ADGRB3: variants seen among roughly 807,000 people sequenced by gnomAD.
ADGRB3 encodes adhesion G protein-coupled receptor B3, also known as brain-specific angiogenesis inhibitor 3.
ADGRB3 carries 37 observed loss-of-function variants against 193.4 expected under a neutral mutation model. That is an observed-to-expected ratio of 0.19 (90% CI 0.15 to 0.25). The LOEUF is 0.25. Among genes scored for constraint, ADGRB3 ranks in the 10% least tolerant of loss-of-function variants. The pLI is 1.00. For missense variants in ADGRB3, 1,637 were observed against 1,852.9 expected (o/e 0.88, Z 2.14); for synonymous variants, 690 against 644.2 (o/e 1.07, Z -1.08).
At chr6:68,910,883 A>G (rs902637347) in intron 3 of ADGRB3, among the ~76,000 whole-genome samples, 46 of 152,260 alleles carry the variant, frequency 3.0e-4, no homozygotes, top group African/African-American at 1.1e-3. Flanking sequence ...TGACTTGGCA[A>G]TGTGGGCTCT....
At chr6:68,795,540 A>C (rs1767191111) in intron 3 of ADGRB3, among the ~76,000 whole-genome samples, 1 of 152,118 alleles carries the variant, frequency 6.6e-6, no homozygotes, top group Admixed American at 6.6e-5. Flanking sequence ...TGCAAATCTT[A>C]AGGTGCTCTT....
intron 17 of ADGRB3, among the ~76,000 whole-genome samples, chr6:69,201,463 C>A (rs1403887524): frequency 6.6e-6 from 1 of 151,144 alleles, no homozygotes; most frequent in African/African-American, 2.4e-5. Flanking sequence ...TTCTTATTTT[C>A]TCTCCCTCCT....
At chr6:68,922,939 A>T (rs1239603328) in intron 3 of ADGRB3, among the ~76,000 whole-genome samples, 1 of 152,182 alleles carries the variant, frequency 6.6e-6, no homozygotes, top group Non-Finnish European at 1.5e-5. Flanking sequence ...TAATTGATTA[A>T]AGGAATTTTT....
intron 3 of ADGRB3, among the ~76,000 whole-genome samples, chr6:68,858,421 G>A (rs546222627): frequency 6.6e-6 from 1 of 150,544 alleles, no homozygotes; most frequent in Admixed American, 6.6e-5. Flanking sequence ...GGAGAATTGT[G>A]TGAACTCAGG....
At chr6:68,794,615 T>C (rs1034458062) in intron 3 of ADGRB3, among the ~76,000 whole-genome samples, 16 of 152,148 alleles carry the variant, frequency 1.1e-4, no homozygotes, top group African/African-American at 3.6e-4. Flanking sequence ...ATTAAGTAAT[T>C]TACCCAAGAT....
At chr6:69,101,625 T>G (rs1197621780) in intron 17 of ADGRB3, among the ~76,000 whole-genome samples, 2 of 151,956 alleles carry the variant, frequency 1.3e-5, no homozygotes, top group African/African-American at 4.8e-5. Flanking sequence ...TAAATTATAT[T>G]TACTTTTTTA....
chr6:69,215,711 G>A (rs1319074842), intron 17 of ADGRB3, among the ~76,000 whole-genome samples: 1 of 151,950 alleles, frequency 6.6e-6, no homozygotes, highest in East Asian at 1.9e-4. Flanking sequence ...ATCATCCAAA[G>A]CCTATTAGTT....
intron 3 of ADGRB3, among the ~76,000 whole-genome samples, chr6:68,688,257 C>T (rs1213543361): frequency 1.3e-5 from 2 of 152,154 alleles, no homozygotes; most frequent in Non-Finnish European, 2.9e-5. Flanking sequence ...GCTTAATTAG[C>T]ATGCAGGTGA....
chr6:68,958,559 C>T (rs564000357), intron 8 of ADGRB3, among the ~76,000 whole-genome samples: 29 of 152,090 alleles, frequency 1.9e-4, no homozygotes, highest in African/African-American at 6.5e-4. Flanking sequence ...GAGATTGCCA[C>T]CTGCTGTTTG....
In ADGRB3 at chr6:69,339,366, C is replaced by A; in HGVS notation, c.3321C>A (p.Pro1107=). The A allele has an allele frequency of 1.2e-6, 2 of 1,613,910 alleles. No homozygotes were observed. Among genetic ancestry groups the A allele is most frequent in the South Asian group, 2.2e-5 (2 of 91,068 alleles). Residue 1107 remains proline, a synonymous_variant, in exon 26 of 32, where the codon CCC becomes CCA. Transcript: ENST00000370598. ...ASLWSSCVVL[P]LLALTWMSAV... The stretch of plus-strand genomic sequence containing the variant: ...TTTGGAGCTCCTGTGTGGTGTTGCC[C>A]CTTCTGGCTTTGACGTGGATGTCTG...
chr6:68,956,018 T>C lies in ADGRB3; in HGVS notation c.1196-6T>C. On this transcript the variant is annotated splice_region_variant and splice_polypyrimidine_tract_variant and intron_variant, in intron 6 of 31. Transcript: ENST00000370598. ...CCTCATGCTGTCTCTTTTTCTGCTTTGGTAGTTGATGGACAGTGGCAAGAG... is the reference window on the plus strand; with the variant it reads ...CCTCATGCTGTCTCTTTTTCTGCTTCGGTAGTTGATGGACAGTGGCAAGAG... The C allele has an allele frequency of 1.2e-6, 2 of 1,611,762 alleles. No individual in the cohort carries two copies. The highest frequency in any genetic ancestry group is 1.7e-6 in the Non-Finnish European group (2 of 1,179,092).
chr6:68,836,709 C>G (rs1768052995), intron 3 of ADGRB3, among the ~76,000 whole-genome samples: 1 of 152,056 alleles, frequency 6.6e-6, no homozygotes, highest in Non-Finnish European at 1.5e-5. Context: ...GAAACGTTGG[C>G]TGGGTGCAGT....
At position 69,049,338 on chromosome 6, in the gene ADGRB3, C is replaced by T. The variant is rs748842409; in HGVS notation, c.2325C>T (p.Pro775=). 5 of 1,603,288 alleles carry T rather than the reference C, an allele frequency of 3.1e-6. No homozygotes were observed. The African/African-American group carries it at 4.0e-5, about 13-fold the overall frequency. Residue 775 remains proline, a synonymous_variant, in exon 15 of 32, where the codon CCC becomes CCT. Transcript: ENST00000370598. The stretch of plus-strand genomic sequence containing the variant: ...ACAAAAACTTAGATCTAATTTTGCC[C>T]ACTTTGAGGTAAGCTACAAAGTAAT... The part of the protein sequence containing the change: ...VLYKNLDLIL[P]TLRNYTVINS...
intron 3 of ADGRB3, among the ~76,000 whole-genome samples, chr6:68,872,358 A>G (rs1765485339): frequency 6.6e-6 from 1 of 152,078 alleles, no homozygotes; most frequent in Admixed American, 6.6e-5. Context: ...TTAAGAAGAA[A>G]AATAGAAAAT....
intron 17 of ADGRB3, among the ~76,000 whole-genome samples, chr6:69,098,178 C>T (rs1772938528): frequency 6.6e-6 from 1 of 152,178 alleles, no homozygotes; most frequent in Non-Finnish European, 1.5e-5. Flanking sequence ...GCCATGCTCT[C>T]TTCCTGCCTT....
intron 17 of ADGRB3, among the ~76,000 whole-genome samples, chr6:69,217,902 A>G (rs555616086): frequency 6.8e-6 from 1 of 147,880 alleles, no homozygotes; most frequent in East Asian, 1.9e-4. Context: ...ACAGGTATTC[A>G]GTTTTAAAAA....
intron 17 of ADGRB3, among the ~76,000 whole-genome samples, chr6:69,142,284 G>T (rs939400283): frequency 6.6e-6 from 1 of 152,102 alleles, no homozygotes; most frequent in African/African-American, 2.4e-5. Context: ...CTTTTTGGAG[G>T]TTAATTTAGA....
intron 17 of ADGRB3, among the ~76,000 whole-genome samples, chr6:69,076,408 T>C (rs918284780): frequency 6.6e-6 from 1 of 152,136 alleles, no homozygotes; most frequent in African/African-American, 2.4e-5. Context: ...TATGGTCATT[T>C]AGCCAATATA....
intron 10 of ADGRB3, among the ~76,000 whole-genome samples, chr6:68,990,523 T>TA (rs1484052214): frequency 1.3e-5 from 2 of 152,130 alleles, no homozygotes; most frequent in African/African-American, 4.8e-5. Flanking sequence ...ATAAGCCTTC[T>TA]AAGCAGCTGT....
Sources: allele counts gnomAD v4.1 joint callset (sites outside exome capture counted in the v4.1 genomes callset), GRCh38; gene constraint gnomAD v4.1.1; transcripts MANE v1.5; gene names NCBI Gene and HGNC (gene_info 2026-07-23, HGNC 2026-07-21).